GMDS: variants seen among roughly 807,000 people sequenced by gnomAD.
The protein encoded by GMDS is GDP-mannose 4,6 dehydratase.
GMDS carries 20 observed loss-of-function variants against 49.9 expected under a neutral mutation model. The observed-to-expected ratio is 0.40, with a 90% confidence interval of 0.28 to 0.58. The LOEUF is 0.58. Ranked by LOEUF, GMDS falls within the 20% of genes least tolerant of loss-of-function variation. The pLI is 0.42. For synonymous variants in GMDS, 177 were observed against 178.6 expected (o/e 0.99, Z 0.07); for missense variants, 362 against 481.4 (o/e 0.75, Z 2.32).
At chr6:1,627,183 C>T (rs181065734) in intron 9 of GMDS, among the ~76,000 whole-genome samples, 1 of 152,338 alleles carries the variant, frequency 6.6e-6, no homozygotes, top group East Asian at 1.9e-4. Flanking sequence ...TACGAGCATC[C>T]CAGCTTGTTT....
chr6:1,707,239 T>G (rs992287035), intron 9 of GMDS, among the ~76,000 whole-genome samples: 8 of 152,212 alleles, frequency 5.3e-5, no homozygotes, highest in African/African-American at 1.9e-4. Context: ...CTAACCATAC[T>G]TTTTAATGTG....
At chr6:1,905,008 A>G (rs1581335203) in intron 7 of GMDS, among the ~76,000 whole-genome samples, 4 of 152,350 alleles carry the variant, frequency 2.6e-5, no homozygotes, top group Admixed American at 2.6e-4. Context: ...GGCAGAAAAG[A>G]TGGATAGAGG....
At chr6:1,827,678 G>C (rs1771189249) in intron 7 of GMDS, among the ~76,000 whole-genome samples, 1 of 152,180 alleles carries the variant, frequency 6.6e-6, no homozygotes, top group African/African-American at 2.4e-5. Flanking sequence ...GCATAGATGA[G>C]GGGATTTAGG....
At chr6:1,805,090 G>A (rs547823690) in intron 7 of GMDS, among the ~76,000 whole-genome samples, 3 of 152,182 alleles carry the variant, frequency 2.0e-5, no homozygotes, top group Admixed American at 2.0e-4. Context: ...GAGCTGATGG[G>A]TCTCTCTTCA....
At chr6:1,720,683 C>A (rs1222686054) in intron 9 of GMDS, among the ~76,000 whole-genome samples, 1 of 152,090 alleles carries the variant, frequency 6.6e-6, no homozygotes, top group East Asian at 1.9e-4. Flanking sequence ...CCCAAGAGTG[C>A]AGGAAGAAAG....
chr6:1,896,150 C>G (rs1275224661), intron 7 of GMDS, among the ~76,000 whole-genome samples: 1 of 152,092 alleles, frequency 6.6e-6, no homozygotes, highest in Non-Finnish European at 1.5e-5. Flanking sequence ...TCAAACTTGG[C>G]ACTACTGGCC....
chr6:2,208,275 G>A (rs1779897315), intron 1 of GMDS, among the ~76,000 whole-genome samples: 1 of 152,184 alleles, frequency 6.6e-6, no homozygotes, highest in Non-Finnish European at 1.5e-5. Flanking sequence ...GATTAGAAAA[G>A]ATTTATCCAT....
chr6:2,169,543 G>A (rs1189276734), intron 1 of GMDS, among the ~76,000 whole-genome samples: 1 of 151,104 alleles, frequency 6.6e-6, no homozygotes, highest in Admixed American at 6.6e-5. Context: ...AGGATGCAGA[G>A]GTTGCAGTGA....
intron 9 of GMDS, among the ~76,000 whole-genome samples, chr6:1,654,326 T>G (rs897703016): frequency 6.6e-6 from 1 of 152,232 alleles, no homozygotes; most frequent in Non-Finnish European, 1.5e-5. Flanking sequence ...TACAGCAGCA[T>G]TATTCAAAAC....
At chr6:1,916,009 C>A (rs1459610578) in intron 7 of GMDS, among the ~76,000 whole-genome samples, 1 of 152,212 alleles carries the variant, frequency 6.6e-6, no homozygotes, top group Non-Finnish European at 1.5e-5. Context: ...AGACATGTCC[C>A]GCCCAGCCAC....
chr6:2,132,002 C>A (rs555470918), intron 1 of GMDS, among the ~76,000 whole-genome samples: 204 of 152,198 alleles, frequency 1.3e-3, no homozygotes, highest in Non-Finnish European at 2.0e-3. Flanking sequence ...TTGGTATATG[C>A]CCAGTATGCA....
At chr6:1,999,811 C>T (rs1045914682) in intron 4 of GMDS, among the ~76,000 whole-genome samples, 1 of 142,240 alleles carries the variant, frequency 7.0e-6, no homozygotes, top group Middle Eastern at 3.5e-3. Flanking sequence ...ACATAGTTAA[C>T]ACTGACATTC....
chr6:2,169,774 C>T (rs1303258417), intron 1 of GMDS, among the ~76,000 whole-genome samples: 1 of 152,208 alleles, frequency 6.6e-6, no homozygotes, highest in South Asian at 2.1e-4. Flanking sequence ...TACAGCAGAA[C>T]ACCATCCTCA....
chr6:1,996,936 C>A (rs1239573992), intron 4 of GMDS, among the ~76,000 whole-genome samples: 2 of 152,058 alleles, frequency 1.3e-5, no homozygotes, highest in African/African-American at 4.8e-5. Flanking sequence ...GAGTAAGACC[C>A]TAGTCTTTTT....
At chr6:2,013,986 GAGAA>G (rs1377111737) in intron 4 of GMDS, among the ~76,000 whole-genome samples, 5 of 136,446 alleles carry the variant, frequency 3.7e-5, no homozygotes, top group African/African-American at 1.4e-4. Context: ...AAAAACCAAA[GAGAA>G]AGAGAGTATT....
intron 7 of GMDS, among the ~76,000 whole-genome samples, chr6:1,743,935 C>T (rs1336871227): frequency 6.6e-6 from 1 of 152,102 alleles, no homozygotes; most frequent in African/African-American, 2.4e-5. Flanking sequence ...ACACAGCCTC[C>T]AATGATATGT....
At chr6:2,028,226 A>C (rs993896691) in intron 4 of GMDS, among the ~76,000 whole-genome samples, 4 of 152,316 alleles carry the variant, frequency 2.6e-5, no homozygotes, top group African/African-American at 9.6e-5. Context: ...TGCTTAGCAT[A>C]TGACATTGAT....
At chr6:1,795,052 T>C (rs1365116163) in intron 7 of GMDS, among the ~76,000 whole-genome samples, 1 of 151,790 alleles carries the variant, frequency 6.6e-6, no homozygotes, top group African/African-American at 2.4e-5. Context: ...ACACAAAAAT[T>C]AGCCAGGCAT....
chr6:1,887,343 G>T (rs1424633096), intron 7 of GMDS, among the ~76,000 whole-genome samples: 1 of 152,048 alleles, frequency 6.6e-6, no homozygotes, highest in Non-Finnish European at 1.5e-5. Context: ...GTGTTAGAAG[G>T]CCATAGATTT....
Sources: gnomAD v4.1 joint callset for allele counts (sites outside exome capture counted in the v4.1 genomes callset) on GRCh38, gnomAD v4.1.1 for gene constraint, MANE v1.5 for transcripts, NCBI Gene and HGNC (gene_info 2026-07-23, HGNC 2026-07-21) for gene names.